Variants in CCDC7 observed in about 807,000 individuals in gnomAD.
CCDC7 encodes the protein coiled-coil domain containing 7.
Under a neutral mutation model 196.9 loss-of-function variants are expected in CCDC7, and 183 were observed. The observed-to-expected ratio is 0.93, with a 90% confidence interval of 0.82 to 1.05. The LOEUF (loss-of-function observed/expected upper bound fraction) is 1.05. CCDC7 is among the 50% of genes least tolerant of loss of function. CCDC7 has a pLI of 0.00. For missense variants in CCDC7, 1,540 were observed against 1,482.2 expected (o/e 1.04, Z -0.64); for synonymous variants, 525 against 484.6 (o/e 1.08, Z -1.10).
At chr10:32,873,470 G>A (rs990328628) in intron 41 of CCDC7, among the ~76,000 whole-genome samples, 60 of 151,630 alleles carry the variant, frequency 4.0e-4, no homozygotes, top group Admixed American at 3.1e-3. Context: ...CTTCTTTGCC[G>A]TGGGTTCGAA....
chr10:32,804,864 T>C, intron 29 of CCDC7, 151 bp from the exon 31 acceptor site: 1 of 576,228 alleles, frequency 1.7e-6, no homozygotes, highest in Non-Finnish European at 3.1e-6. Context: ...TAATGTTTAG[T>C]GATTTGGCAA....
rs990447412 is a variant in CCDC7 at position 32,711,522 on chromosome 10, A to G, written c.2459-98A>G. ...AGTTTACTTATAACTTTATAAGATG[A>G]AAGAAAATGTTGCTTCCACTTGTTA... is the stretch of plus-strand genomic sequence containing the variant. On this transcript the variant is annotated intron_variant, in intron 24 of 41. Coordinates refer to ENST00000639629, the Ensembl canonical transcript of CCDC7. The G allele has an allele frequency of 1.0e-5, 7 of 694,504 alleles. No individual in the cohort carries two copies. The Middle Eastern group carries it at 9.2e-4, about 92-fold the overall frequency. 43.0% of individuals were successfully genotyped at this position (694,504 alleles called of 1,614,324 possible).
intron 8 of CCDC7, among the ~76,000 whole-genome samples, chr10:32,478,218 C>G (rs939177542): frequency 2.0e-5 from 3 of 152,150 alleles, no homozygotes; most frequent in Non-Finnish European, 4.4e-5. Context: ...TTGTTTATTA[C>G]TAGATATTGG....
intron 9 of CCDC7, among the ~76,000 whole-genome samples, chr10:32,495,700 G>T (rs1230923096): frequency 2.6e-5 from 4 of 152,162 alleles, no homozygotes; most frequent in African/African-American, 4.8e-5. Flanking sequence ...TCATATGGTT[G>T]TAGATGTGTG....
intron 20 of CCDC7, among the ~76,000 whole-genome samples, chr10:32,650,346 G>A (rs761624398): frequency 9.9e-5 from 15 of 152,174 alleles, no homozygotes; most frequent in Non-Finnish European, 2.1e-4. Flanking sequence ...GCAGTAGATA[G>A]GCTCTTAACC....
intron 15 of CCDC7, among the ~76,000 whole-genome samples, chr10:32,569,835 A>G (rs1301977840): frequency 1.3e-5 from 2 of 152,138 alleles, no homozygotes; most frequent in African/African-American, 2.4e-5. Flanking sequence ...GGGTACATAT[A>G]TAGTCTATAG....
intron 28 of CCDC7, among the ~76,000 whole-genome samples, chr10:32,759,452 T>C (rs1193872117): frequency 4.6e-5 from 7 of 152,108 alleles, no homozygotes; most frequent in Non-Finnish European, 8.8e-5. Context: ...TATCTACAAC[T>C]ATCTGATCTT....
rs142553368 is a variant in CCDC7 at position 32,598,354 on chromosome 10, A to G, written c.1801+14050A>G. 3.2e-3 allele frequency among the ~76,000 whole-genome samples: 483 copies of G among 152,280 alleles called. 2 individuals carry two copies. The highest frequency in any genetic ancestry group is 0.014 in the Middle Eastern group (4 of 294). On this transcript the variant is annotated intron_variant, in intron 18 of 41. Coordinates refer to ENST00000639629, the Ensembl canonical transcript of CCDC7. ...ATGCCATTTGCTAAGGCCATTGGAA[A>G]AGTGCAGTATCAGGGTGGGAGTGTC...
At chr10:32,834,790 T>G (rs755656649) in intron 32 of CCDC7, 25 bp from the exon 34 acceptor site, 1 of 1,158,492 alleles carries the variant, frequency 8.6e-7, no homozygotes, top group Non-Finnish European at 1.3e-6. Flanking sequence ...TCAAAGCGTT[T>G]TGAAAACCTG....
At chr10:32,516,707 A>G (rs1184283749) in intron 9 of CCDC7, among the ~76,000 whole-genome samples, 1 of 152,214 alleles carries the variant, frequency 6.6e-6, no homozygotes, top group Non-Finnish European at 1.5e-5. Flanking sequence ...GAGATTGGGA[A>G]CCTCATAATG....
chr10:32,637,039 G>T (rs1011027019), intron 20 of CCDC7, among the ~76,000 whole-genome samples: 4 of 152,160 alleles, frequency 2.6e-5, no homozygotes, highest in Non-Finnish European at 4.4e-5. Flanking sequence ...TTTGAGAAGT[G>T]TTTGTTCATA....
chr10:32,837,305 C>G (rs1265498042), intron 33 of CCDC7, among the ~76,000 whole-genome samples: 1 of 152,084 alleles, frequency 6.6e-6, no homozygotes, highest in African/African-American at 2.4e-5. Flanking sequence ...ATTTATGCAG[C>G]CAAAAGACAC....
intron 32 of CCDC7, among the ~76,000 whole-genome samples, chr10:32,827,418 T>TA (rs2091287919): frequency 6.6e-6 from 1 of 152,198 alleles, no homozygotes; most frequent in Admixed American, 6.5e-5. Context: ...AATAGACACT[T>TA]ACTCCGGATA....
At chr10:32,515,557 T>G (rs951419727) in intron 9 of CCDC7, among the ~76,000 whole-genome samples, 3 of 152,176 alleles carry the variant, frequency 2.0e-5, no homozygotes, top group Admixed American at 6.5e-5. Context: ...TTTTTATTTT[T>G]TTTTGAGGTG....
intron 32 of CCDC7, among the ~76,000 whole-genome samples, chr10:32,832,798 CTT>C (rs1306881119): frequency 6.6e-6 from 1 of 151,910 alleles, no homozygotes; most frequent in Non-Finnish European, 1.5e-5. Context: ...CTTTTCTTCT[CTT>C]AATTGATTTA....
intron 13 of CCDC7, among the ~76,000 whole-genome samples, chr10:32,562,682 C>A (rs899949655): frequency 2.0e-5 from 3 of 152,016 alleles, no homozygotes; most frequent in African/African-American, 7.3e-5. Context: ...GACAAACCCA[C>A]AGCCAATATC....
At chr10:32,513,531 A>G (rs1277467819) in intron 9 of CCDC7, 2 of 150,148 alleles carry the variant, frequency 1.3e-5, no homozygotes, top group South Asian at 2.1e-4. Context: ...AGACAATCAC[A>G]AGAACATAAA....
intron 13 of CCDC7, among the ~76,000 whole-genome samples, chr10:32,563,388 G>C (rs2056144732): frequency 6.6e-6 from 1 of 152,150 alleles, no homozygotes; most frequent in Admixed American, 6.5e-5. Flanking sequence ...CATGCTACGT[G>C]ACTTCCAACT....
intron 18 of CCDC7, among the ~76,000 whole-genome samples, chr10:32,587,350 T>G (rs1251097661): frequency 6.6e-6 from 1 of 152,194 alleles, no homozygotes; most frequent in Non-Finnish European, 1.5e-5. Context: ...ACAGCCTTCT[T>G]GCTGCATCAT....
Sources: allele counts gnomAD v4.1 joint callset (sites outside exome capture counted in the v4.1 genomes callset), GRCh38; gene constraint gnomAD v4.1.1; transcripts MANE v1.5; gene names NCBI Gene and HGNC (gene_info 2026-07-23, HGNC 2026-07-21).